The following CREB5 variants were observed in gnomAD, a reference collection of about 807,000 sequenced individuals.
CREB5 encodes cAMP responsive element binding protein 5, also known as cyclic AMP-responsive element-binding protein 5.
Under a neutral mutation model 57.1 loss-of-function variants are expected in CREB5, and 19 were observed. The observed-to-expected ratio is 0.33, with a 90% confidence interval of 0.23 to 0.49. CREB5 has a LOEUF of 0.49. Ranked by LOEUF, CREB5 falls within the 20% of genes least tolerant of loss-of-function variation. The probability of loss-of-function intolerance (pLI) is 0.99; values close to 1 mark genes in which losing one functional copy is unlikely to be tolerated. For synonymous variants in CREB5, 238 were observed against 238.3 expected (o/e 1.00, Z 0.01); for missense variants, 579 against 671.6 (o/e 0.86, Z 1.52).
At chr7:28,775,461 C>A (rs989231291) in intron 7 of CREB5, among the ~76,000 whole-genome samples, 1 of 150,616 alleles carries the variant, frequency 6.6e-6, no homozygotes, top group African/African-American at 2.4e-5. Flanking sequence ...CCTCTGGGAA[C>A]TGGAAGACCA....
At chr7:28,641,723 C>T (rs961918414) in intron 5 of CREB5, among the ~76,000 whole-genome samples, 1 of 152,130 alleles carries the variant, frequency 6.6e-6, no homozygotes, top group Non-Finnish European at 1.5e-5. Flanking sequence ...TTTTATAGAT[C>T]CAGCTCCATG....
chr7:28,302,094 ATTTC>A (rs139903219), intron 1 of CREB5, among the ~76,000 whole-genome samples: 9,069 of 152,300 alleles, frequency 0.06, 345 homozygotes, highest in Middle Eastern at 0.1. Context: ...AGAAAAGTTA[ATTTC>A]TTTCATAATA....
intron 5 of CREB5, among the ~76,000 whole-genome samples, chr7:28,631,312 A>G (rs1380021514): frequency 2.0e-5 from 3 of 152,158 alleles, no homozygotes; most frequent in Non-Finnish European, 4.4e-5. Flanking sequence ...AAACAGCCTT[A>G]AAAACCAAGC....
chr7:28,405,576 C>T (rs1787561548), intron 1 of CREB5, among the ~76,000 whole-genome samples: 2 of 152,080 alleles, frequency 1.3e-5, no homozygotes. Context: ...CCATGCCTGG[C>T]TAATTTTTAA....
intron 5 of CREB5, among the ~76,000 whole-genome samples, chr7:28,665,740 A>T (rs1230090573): frequency 6.6e-6 from 1 of 152,126 alleles, no homozygotes; most frequent in Non-Finnish European, 1.5e-5. Context: ...CAAAGCCATT[A>T]TTCAAAGATC....
rs371163172 is a variant in CREB5 at position 28,303,092 on chromosome 7, A to G, written c.-25+3651A>G. 4.0e-5 allele frequency among the ~76,000 whole-genome samples: 6 copies of G among 151,326 alleles called. No individual in the cohort carries two copies. The East Asian group carries it at 9.8e-4, about 25-fold the overall frequency. On this transcript the variant is annotated intron_variant, in intron 1 of 9. Coordinates refer to the CREB5 transcript ENST00000396299. ...GGGAGGCAGAGGTTGCGGTGAGCCA[A>G]GATTGTGCCATTGCACTCCAGCCTG...
intron 5 of CREB5, among the ~76,000 whole-genome samples, chr7:28,692,029 A>C (rs1437377514): frequency 2.7e-5 from 4 of 149,210 alleles, no homozygotes; most frequent in African/African-American, 2.5e-5. Flanking sequence ...AAAAAAAAAA[A>C]CAACAAATTA....
At chr7:28,354,194 G>T (rs1450545159) in intron 1 of CREB5, among the ~76,000 whole-genome samples, 1 of 152,182 alleles carries the variant, frequency 6.6e-6, no homozygotes, top group Non-Finnish European at 1.5e-5. Context: ...CACTTGATTG[G>T]ATTGAAGGAT....
At chr7:28,694,045 A>G (rs1399119089) in intron 5 of CREB5, among the ~76,000 whole-genome samples, 1 of 152,168 alleles carries the variant, frequency 6.6e-6, no homozygotes, top group African/African-American at 2.4e-5. Flanking sequence ...GTTTATTTCA[A>G]CATCAAAAGA....
At chr7:28,547,711 T>G (rs1173936996) in intron 4 of CREB5, among the ~76,000 whole-genome samples, 3 of 152,208 alleles carry the variant, frequency 2.0e-5, no homozygotes, top group African/African-American at 7.2e-5. Context: ...TCTGAACTCT[T>G]CCCTGAACCA....
At chr7:28,487,178 G>A (rs927132796) in intron 1 of CREB5, among the ~76,000 whole-genome samples, 32 of 152,098 alleles carry the variant, frequency 2.1e-4, no homozygotes, top group African/African-American at 6.5e-4. Flanking sequence ...CACCACGCCC[G>A]GCTAATTTTT....
At chr7:28,774,000 C>T (rs1806484375) in intron 7 of CREB5, among the ~76,000 whole-genome samples, 1 of 152,196 alleles carries the variant, frequency 6.6e-6, no homozygotes. Context: ...TCTCCTATTT[C>T]CCTCCATGTA....
At chr7:28,467,171 G>T (rs2084259163) in intron 1 of CREB5, among the ~76,000 whole-genome samples, 2 of 152,180 alleles carry the variant, frequency 1.3e-5, no homozygotes, top group African/African-American at 4.8e-5. Flanking sequence ...TCTGGTGGTG[G>T]GGAGGGGCAA....
intron 1 of CREB5, among the ~76,000 whole-genome samples, chr7:28,340,528 GTAGTCTTCCCTCACCTT>G (rs1785917146): frequency 6.6e-6 from 1 of 152,208 alleles, no homozygotes; most frequent in East Asian, 1.9e-4. Context: ...AAAGTCCTCT[GTAGTCTTCCCTCACCTT>G]AAGTGGAAGG....
intron 1 of CREB5, among the ~76,000 whole-genome samples, chr7:28,481,570 T>C (rs1039982585): frequency 2.0e-5 from 3 of 152,164 alleles, no homozygotes; most frequent in Admixed American, 2.0e-4. Context: ...CGTTTCAAGC[T>C]TGAGGGCTGA....
intron 5 of CREB5, among the ~76,000 whole-genome samples, chr7:28,585,132 C>T (rs542255984): frequency 5.9e-5 from 9 of 152,176 alleles, no homozygotes; most frequent in Non-Finnish European, 1.0e-4. Context: ...ATGTTCTGCT[C>T]AGTAGTAGTT....
chr7:28,436,933 G>T (rs79856667), intron 1 of CREB5, among the ~76,000 whole-genome samples: 6,710 of 152,210 alleles, frequency 0.044, 440 homozygotes, highest in East Asian at 0.22. Context: ...GTAACTGAAA[G>T]GTTGTATTAG....
chr7:28,560,977 TGTGCGTGC>T (rs1285585171), intron 4 of CREB5, among the ~76,000 whole-genome samples: 1 of 48,988 alleles, frequency 2.0e-5, no homozygotes, highest in African/African-American at 6.4e-5. Flanking sequence ...TGTGTGCGTG[TGTGCGTGC>T]GTGTGTGTGC....
intron 1 of CREB5, among the ~76,000 whole-genome samples, chr7:28,441,588 G>C (rs1210145315): frequency 6.6e-6 from 1 of 152,056 alleles, no homozygotes; most frequent in East Asian, 1.9e-4. Flanking sequence ...ATTGTTCTTT[G>C]AAAAAAATAA....
Sources: gnomAD v4.1 joint callset for allele counts (sites outside exome capture counted in the v4.1 genomes callset) on GRCh38, gnomAD v4.1.1 for gene constraint, MANE v1.5 for transcripts, NCBI Gene and HGNC (gene_info 2026-07-23, HGNC 2026-07-21) for gene names.